ZFAND6: variants seen among roughly 807,000 people sequenced by gnomAD.
ZFAND6 encodes the protein AN1-type zinc finger protein 6.
In ZFAND6, 12 loss-of-function variants were observed where a neutral mutation model predicts 24.5. The ratio of observed to expected loss-of-function variants is 0.49; its 90% confidence interval spans 0.31 to 0.79. The LOEUF (loss-of-function observed/expected upper bound fraction) is 0.79, where lower values mean the gene tolerates loss of function less well. ZFAND6 is among the 30% of genes least tolerant of loss of function. The probability of loss-of-function intolerance (pLI) is 0.04; values close to 1 mark genes in which losing one functional copy is unlikely to be tolerated. For missense variants in ZFAND6, 207 were observed against 245.9 expected (o/e 0.84, Z 1.06); for synonymous variants, 92 against 81.5 (o/e 1.13, Z -0.69).
At chr15:80,106,334 C>G (rs2039323233) in intron 2 of ZFAND6, among the ~76,000 whole-genome samples, 1 of 152,198 alleles carries the variant, frequency 6.6e-6, no homozygotes, top group African/African-American at 2.4e-5. Context: ...CTCACCAAAT[C>G]CATTCTAGTC....
chr15:80,132,836 G>T (rs1408508598), intron 6 of ZFAND6, among the ~76,000 whole-genome samples: 1 of 151,864 alleles, frequency 6.6e-6, no homozygotes, highest in East Asian at 1.9e-4. Flanking sequence ...GAATTGCTTG[G>T]TATGTACCAT....
chr15:80,099,975 C>T (rs2038948823), intron 2 of ZFAND6, among the ~76,000 whole-genome samples: 2 of 152,188 alleles, frequency 1.3e-5, no homozygotes, highest in Admixed American at 6.5e-5. Context: ...TGGAGGGACA[C>T]ATGTTGCTGC....
At chr15:80,086,825 C>T (rs1458696484) in intron 1 of ZFAND6, among the ~76,000 whole-genome samples, 2 of 152,244 alleles carry the variant, frequency 1.3e-5, no homozygotes, top group East Asian at 1.9e-4. Context: ...CTCCCAATCA[C>T]GTCTCCCCCA....
intron 1 of ZFAND6, among the ~76,000 whole-genome samples, chr15:80,067,904 A>T (rs1355715989): frequency 1.3e-5 from 2 of 152,166 alleles, no homozygotes; most frequent in African/African-American, 4.8e-5. Flanking sequence ...TGAAGTAGTG[A>T]TATTTTACAT....
At chr15:80,066,722 C>T (rs2036662859) in intron 1 of ZFAND6, among the ~76,000 whole-genome samples, 1 of 151,916 alleles carries the variant, frequency 6.6e-6, no homozygotes, top group South Asian at 2.1e-4. Flanking sequence ...CGTGGCGAAA[C>T]CTCATCTCTG....
chr15:80,090,874 A>G (rs1023569049), intron 1 of ZFAND6, among the ~76,000 whole-genome samples: 2 of 152,226 alleles, frequency 1.3e-5, no homozygotes, highest in African/African-American at 2.4e-5. Context: ...AAATTTTTGG[A>G]ATATTTTAGA....
At chr15:80,094,365 G>C (rs2038580254) in intron 1 of ZFAND6, among the ~76,000 whole-genome samples, 1 of 152,160 alleles carries the variant, frequency 6.6e-6, no homozygotes, top group South Asian at 2.1e-4. Context: ...GAACCCTCTT[G>C]AGAACTGCTC....
intron 2 of ZFAND6, among the ~76,000 whole-genome samples, chr15:80,114,450 A>G (rs1567085671): frequency 6.6e-6 from 1 of 152,218 alleles, no homozygotes; most frequent in Admixed American, 6.5e-5. Context: ...AAACCGAAGT[A>G]ATATGATGAG....
chr15:80,129,678 C>T (rs1053518569), intron 5 of ZFAND6: 23 of 152,258 alleles, frequency 1.5e-4, no homozygotes, highest in African/African-American at 5.3e-4. Flanking sequence ...TGTCTCCCCT[C>T]AAAGAATTCA....
At position 80,091,878 on chromosome 15, in the gene ZFAND6, G is replaced by T. The variant is rs925370373; in HGVS notation, c.-180-6538G>T. On this transcript the variant is annotated intron_variant, in intron 1 of 6. Transcript: ENST00000261749. ...TGGTCTTGAACTCCTGACCTCAAGC[G>T]ATCCTCTCACCTCAGCCTCCCAAAG... Among the ~76,000 whole-genome samples, 3 of 152,206 alleles carry T rather than the reference G, an allele frequency of 2.0e-5. No homozygotes were observed. In the East Asian group the frequency reaches 5.8e-4, roughly 29 times the overall value.
chr15:80,120,525 A>C (rs368485708), intron 3 of ZFAND6, 27 bp downstream of exon 3: 1 of 1,464,862 alleles, frequency 6.8e-7, no homozygotes, highest in South Asian at 1.5e-5. Flanking sequence ...AAACCCGTCT[A>C]TATTCATAAT....
rs922141929 is a variant in ZFAND6, at chr15:80,082,989, TTTTA to T, written c.-180-15411_-180-15408del. Reference sequence around the variant, plus strand: ...ATCCTATACATATATACATATGTTATTTTATTTATTTATTTATTTTGAAATGGAG... The same window carrying T: ...ATCCTATACATATATACATATGTTATTTTATTTATTTATTTTGAAATGGAG... On this transcript the variant is annotated intron_variant, in intron 1 of 6. Transcript: ENST00000261749. Among the ~76,000 whole-genome samples the T allele has an allele frequency of 2.6e-5, 4 of 152,162 alleles. No homozygotes were observed. In the Middle Eastern group the frequency reaches 0.01, roughly 388 times the overall value.
intron 4 of ZFAND6, 61 bp from the exon 5 acceptor site, chr15:80,122,639 A>G (rs752662829): frequency 4.7e-6 from 5 of 1,056,954 alleles, no homozygotes; most frequent in Non-Finnish European, 7.3e-6. Context: ...TTACTGTGTC[A>G]CATTAGTTAA....
At chr15:80,081,143 T>A (rs2037642204) in intron 1 of ZFAND6, among the ~76,000 whole-genome samples, 2 of 152,192 alleles carry the variant, frequency 1.3e-5, no homozygotes, top group African/African-American at 4.8e-5. Flanking sequence ...GTAGAAAAAA[T>A]TTATTCTTTG....
intron 1 of ZFAND6, among the ~76,000 whole-genome samples, chr15:80,096,559 C>T (rs916998997): frequency 1.3e-5 from 2 of 152,202 alleles, no homozygotes; most frequent in African/African-American, 2.4e-5. Flanking sequence ...CAAGTCATCT[C>T]TTACAGCATA....
chr15:80,065,144 C>A (rs1157069963), intron 1 of ZFAND6, among the ~76,000 whole-genome samples: 1 of 150,286 alleles, frequency 6.7e-6, no homozygotes, highest in Non-Finnish European at 1.5e-5. Context: ...AAGTTTTCTT[C>A]TAGTTCTTTT....
intron 1 of ZFAND6, among the ~76,000 whole-genome samples, chr15:80,076,419 G>T (rs1046063963): frequency 6.6e-6 from 1 of 151,618 alleles, no homozygotes; most frequent in African/African-American, 2.4e-5. Flanking sequence ...AAGGCCACAC[G>T]GTATGATTTC....
chr15:80,110,071 AT>A (rs1342299938), intron 2 of ZFAND6, among the ~76,000 whole-genome samples: 1 of 152,202 alleles, frequency 6.6e-6, no homozygotes, highest in Non-Finnish European at 1.5e-5. Context: ...TCTCTGTGAA[AT>A]GGCCCTCAGC....
chr15:80,077,919 C>T (rs537038538), intron 1 of ZFAND6, among the ~76,000 whole-genome samples: 8 of 151,978 alleles, frequency 5.3e-5, no homozygotes, highest in East Asian at 1.9e-4. Flanking sequence ...AGGCTGGTCT[C>T]GAACTCCTGA....
Sources: allele counts gnomAD v4.1 joint callset (sites outside exome capture counted in the v4.1 genomes callset), GRCh38; gene constraint gnomAD v4.1.1; transcripts MANE v1.5; gene names NCBI Gene and HGNC (gene_info 2026-07-23, HGNC 2026-07-21).